The following CACNB3 variants were observed in gnomAD, a reference collection of about 807,000 sequenced individuals.
The protein encoded by CACNB3 is calcium voltage-gated channel auxiliary subunit beta 3.
A neutral mutation model predicts 63.7 loss-of-function variants in CACNB3; 36 were observed. That is an observed-to-expected ratio of 0.57 (90% CI 0.43 to 0.75). The LOEUF is 0.75. Ranked by LOEUF, CACNB3 falls within the 30% of genes least tolerant of loss-of-function variation. The pLI, the probability that CACNB3 is intolerant of heterozygous loss-of-function variation, is 0.00. For synonymous variants in CACNB3, 241 were observed against 250.6 expected (o/e 0.96, Z 0.36); for missense variants, 493 against 648.6 (o/e 0.76, Z 2.61).
chr12:48,826,790 A>G lies in CACNB3; in HGVS notation c.926A>G (p.Lys309Arg). ...CAGCGTCTCATTCGCTCCCGGGGGA[A>G]GTCACAGATGAAGCACCTGACCGTA... Reference protein sequence around the residue: ...VLQRLIRSRGKSQMKHLTVQM... With the variant: ...VLQRLIRSRGRSQMKHLTVQM... The change falls in exon 11 of 13, where the codon AAG becomes AGG. Residue 309 changes from lysine to arginine, a missense_variant. By Grantham distance (26) the Lys-to-Arg change is conservative (BLOSUM62 2). Coordinates refer to ENST00000301050, the MANE Select transcript of CACNB3 (RefSeq NM_000725.4). The surrounding 1 kb of genome is among the most constrained non-coding windows in gnomAD (Gnocchi z 4.8). 6.2e-7 allele frequency: 1 copy of G among 1,614,088 alleles called. No individual in the cohort carries two copies. The highest frequency in any genetic ancestry group is 8.5e-7 in the Non-Finnish European group (1 of 1,179,982).
chr12:48,827,194 A>G, intron 12 of CACNB3, 71 bp downstream of exon 12: 3 of 1,559,472 alleles, frequency 1.9e-6, no homozygotes, highest in Non-Finnish European at 1.7e-6. Flanking sequence ...TGCCCAGAGG[A>G]CTGTCCTTGG....
chr12:48,820,481 T>G (rs188906121), intron 1 of CACNB3: 1 of 152,348 alleles, frequency 6.6e-6, no homozygotes, highest in African/African-American at 2.4e-5. Flanking sequence ...TGAGGCCCCC[T>G]CTGAAGCAGT....
rs1385036285 is a variant in CACNB3 at position 48,823,476 on chromosome 12, C to T, written c.168+10C>T. 6.2e-7 allele frequency: 1 copy of T among 1,613,168 alleles called. No homozygotes were observed. The highest frequency in any genetic ancestry group is 1.1e-5 in the South Asian group (1 of 90,926). ...GCTCGAAAGGGCCAAGGTATACTTT[C>T]TGGGCATGGGGCAAGACAGGAGGCC... On this transcript the variant is annotated intron_variant, in intron 2 of 12. Transcript: ENST00000301050. This position sits in a 1 kb window ranked among gnomAD's most constrained non-coding sequence, Gnocchi z 4.2.
intron 1 of CACNB3, chr12:48,819,964 T>C (rs1294049353): frequency 3.7e-6 from 1 of 272,914 alleles, no homozygotes; most frequent in African/African-American, 2.2e-5. Context: ...TCCTTAGGAG[T>C]GGACCACTAG....
chr12:48,815,420 CG>C (rs1308835824), upstream of CACNB3: 49 of 663,574 alleles, frequency 7.4e-5, 1 homozygote, highest in South Asian at 8.4e-4. Context: ...ACAGGAGAGA[CG>C]GAAGTGGAGA....
At chr12:48,822,016 T>G (rs1002059015) in intron 1 of CACNB3, among the ~76,000 whole-genome samples, 2 of 152,174 alleles carry the variant, frequency 1.3e-5, no homozygotes, top group African/African-American at 4.8e-5. Context: ...TGATTTTGCC[T>G]TCTTCTCTGA....
chr12:48,826,612 C>G lies in CACNB3; in HGVS notation c.894+94C>G. On this transcript the variant is annotated intron_variant, in intron 10 of 12. Coordinates refer to ENST00000301050, the MANE Select transcript of CACNB3 (RefSeq NM_000725.4). The surrounding 1 kb of genome is among the most constrained non-coding windows in gnomAD (Gnocchi z 4.8). The stretch of plus-strand genomic sequence containing the variant: ...GGTCCCTGCCTGGGGCACCTGAGTT[C>G]CCTTTTCCTGCTGCCCTTAACACAA... The G allele has an allele frequency of 6.6e-7, 1 of 1,523,582 alleles. No individual in the cohort carries two copies. Among genetic ancestry groups the G allele is most frequent in the Non-Finnish European group, 9.1e-7 (1 of 1,102,034 alleles). The allele number at this position is 1,523,582 out of a possible 1,614,324, so 94.4% of individuals were successfully genotyped here.
At chr12:48,816,847 G>A, upstream of CACNB3, 1 of 985,518 alleles carries the variant, frequency 1.0e-6, no homozygotes, top group Non-Finnish European at 1.2e-6. Flanking sequence ...AGAAACAGCT[G>A]CCTCCACCAC....
At position 48,824,244 on chromosome 12, in the gene CACNB3, C is replaced by T; in HGVS notation, c.292-14C>T. 2 of 1,603,784 alleles carry T rather than the reference C, an allele frequency of 1.2e-6. No individual in the cohort carries two copies. Among genetic ancestry groups the T allele is most frequent in the Non-Finnish European group, 1.7e-6 (2 of 1,174,324 alleles). ...GCTTCTCTCACCACCCCTTCCTGCT[C>T]CACCTGCCCCCAGAAGTACAGCAAT... On this transcript the variant is annotated splice_polypyrimidine_tract_variant and intron_variant, in intron 3 of 12. Transcript: ENST00000301050.
chr12:48,828,202 G>T lies in CACNB3; in HGVS notation c.*303G>T, dbSNP rs1341769715. On this transcript the variant is annotated 3_prime_UTR_variant, in exon 13 of 13. Transcript: ENST00000301050. ...CTGCCCCACTGGGCAGTGCCCTCAGGCCAGGATCCCCTTAGCAGGGTCCTT... is the reference window on the plus strand; with the variant it reads ...CTGCCCCACTGGGCAGTGCCCTCAGTCCAGGATCCCCTTAGCAGGGTCCTT... 4 of 464,708 alleles carry T rather than the reference G, an allele frequency of 8.6e-6. No individual in the cohort carries two copies. The East Asian group carries it at 1.6e-4, about 19-fold the overall frequency. The allele number at this position is 464,708 out of a possible 1,614,324, so 28.8% of individuals were successfully genotyped here.
upstream of CACNB3, among the ~76,000 whole-genome samples, chr12:48,818,198 A>AC (rs1466807616): frequency 6.6e-6 from 1 of 150,642 alleles, no homozygotes; most frequent in Non-Finnish European, 1.5e-5. The surrounding 1 kb of genome is among the most constrained non-coding windows in gnomAD (Gnocchi z 4.3). Flanking sequence ...GTCGCCTGGG[A>AC]CCCCTCCCCC....
upstream of CACNB3, chr12:48,814,644 A>C: frequency 7.7e-7 from 1 of 1,304,334 alleles, no homozygotes; most frequent in South Asian, 1.5e-5. This position sits in a 1 kb window ranked among gnomAD's most constrained non-coding sequence, Gnocchi z 6.9. Context: ...GGGGTCTCCT[A>C]CTGGGGGTCT....
rs1157743262 is a variant in CACNB3 at position 48,821,898 on chromosome 12, A to T, written c.46-1446A>T. On this transcript the variant is annotated intron_variant, in intron 1 of 12. Coordinates refer to ENST00000301050, the MANE Select transcript of CACNB3 (RefSeq NM_000725.4). ...TATCTTCAGGCCTTTGGTCTACTATAGACACTGTCTTTAGCCTAAGGCTCG... is the reference window on the plus strand; with the variant it reads ...TATCTTCAGGCCTTTGGTCTACTATTGACACTGTCTTTAGCCTAAGGCTCG... 2.6e-5 allele frequency among the ~76,000 whole-genome samples: 4 copies of T among 152,300 alleles called. 1 individual carries two copies. In the South Asian group the frequency reaches 8.3e-4, roughly 32 times the overall value.
chr12:48,823,309 G>A lies in CACNB3; in HGVS notation c.46-35G>A, dbSNP rs757599275. ...GTGCCTCCATGGCATCCTTCATGCC[G>A]GAGCCTGGGAGTCACAGCCTCTTTC... is the stretch of plus-strand genomic sequence containing the variant. On this transcript the variant is annotated intron_variant, in intron 1 of 12. Transcript: ENST00000301050. This position sits in a 1 kb window ranked among gnomAD's most constrained non-coding sequence, Gnocchi z 4.2. 7.2e-5 allele frequency: 115 copies of A among 1,607,368 alleles called. No homozygotes were observed. Among genetic ancestry groups the A allele is most frequent in the South Asian group, 7.8e-5 (7 of 90,166 alleles).
At position 48,825,609 on chromosome 12, in the gene CACNB3, G is replaced by A. The variant is rs1297209736; in HGVS notation, c.633-51G>A. The A allele has an allele frequency of 6.3e-7, 1 of 1,577,624 alleles. No individual in the cohort carries two copies. The highest frequency in any genetic ancestry group is 2.2e-5 in the East Asian group (1 of 44,700). On this transcript the variant is annotated intron_variant, in intron 8 of 12. Coordinates refer to ENST00000301050, the MANE Select transcript of CACNB3 (RefSeq NM_000725.4). This position sits in a 1 kb window ranked among gnomAD's most constrained non-coding sequence, Gnocchi z 4.5. ...AGTTAGTGGGAGCTGAGTAAGGAGA[G>A]GCTGAGGCACAGGTTTAGAAGCAAG...
At position 48,827,594 on chromosome 12, in the gene CACNB3, C is replaced by G; in HGVS notation, c.1150C>G (p.Leu384Val). ...SAIPGLQNQQ[L>V]LGERGEEHSP... Reference sequence around the variant, plus strand: ...GTTGTATGGCCCCCAGAACCAGCAGCTGCTGGGGGAGCGTGGCGAGGAGCA... The same window carrying G: ...GTTGTATGGCCCCCAGAACCAGCAGGTGCTGGGGGAGCGTGGCGAGGAGCA... Residue 384 changes from leucine (L) to valine (V), a missense_variant, in exon 13 of 13, where the codon CTG (leucine) becomes GTG (valine). Transcript: ENST00000301050. The G allele has an allele frequency of 6.2e-7, 1 of 1,612,358 alleles. No individual in the cohort carries two copies.
chr12:48,816,868 A>C, upstream of CACNB3: 1 of 985,486 alleles, frequency 1.0e-6, no homozygotes, highest in Non-Finnish European at 1.2e-6. Context: ...TGCTTTCTTC[A>C]CTAGAGCCAT....
Position 48,825,317 on chromosome 12 carries a change from A to C in CACNB3, c.573+74A>C. On this transcript the variant is annotated intron_variant, in intron 7 of 12. Transcript: ENST00000301050. The surrounding 1 kb of genome is among the most constrained non-coding windows in gnomAD (Gnocchi z 4.5). ...ACAGGAAGTCCCTAGGGAAAGTGGA[A>C]GGGGTGTGTCTCCTCCGTCCAGGGT... 6.4e-7 allele frequency: 1 copy of C among 1,568,272 alleles called. No individual in the cohort carries two copies. The highest frequency in any genetic ancestry group is 1.7e-4 in the Middle Eastern group (1 of 5,990).
upstream of CACNB3, chr12:48,815,453 G>A (rs1413178883): frequency 5.2e-6 from 5 of 968,576 alleles, no homozygotes; most frequent in African/African-American, 8.3e-5. Flanking sequence ...GAAAGGCAGG[G>A]AGAGCCAGAG....
Sources: allele counts gnomAD v4.1 joint callset (sites outside exome capture counted in the v4.1 genomes callset), GRCh38; gene constraint gnomAD v4.1.1; non-coding constraint Gnocchi (gnomAD v3.1); transcripts MANE v1.5; gene names NCBI Gene and HGNC (gene_info 2026-07-23, HGNC 2026-07-21).